The following PTPRT variants were observed in gnomAD, a reference collection of about 807,000 sequenced individuals.
PTPRT encodes the protein protein tyrosine phosphatase receptor type T.
Under a neutral mutation model 176.8 loss-of-function variants are expected in PTPRT, and 56 were observed. The ratio of observed to expected loss-of-function variants is 0.32; its 90% CI spans 0.26 to 0.40. The LOEUF (loss-of-function observed/expected upper bound fraction) is 0.40. Among genes scored for constraint, PTPRT ranks in the 10% least tolerant of loss-of-function variants. PTPRT has a pLI of 1.00. For missense variants in PTPRT, 1,540 were observed against 1,908.2 expected (o/e 0.81, Z 3.60); for synonymous variants, 783 against 739.0 (o/e 1.06, Z -0.96).
intron 8 of PTPRT, among the ~76,000 whole-genome samples, chr20:42,464,203 G>A (rs865924848): frequency 5.3e-5 from 8 of 152,220 alleles, no homozygotes; most frequent in Admixed American, 2.0e-4. Context: ...ATGGTATCAC[G>A]AAAAGGGCAT....
At chr20:42,290,587 T>C (rs16986733) in intron 12 of PTPRT, among the ~76,000 whole-genome samples, 4,078 of 152,212 alleles carry the variant, frequency 0.027, 137 homozygotes, top group East Asian at 0.16. Context: ...ACTCCTTTAC[T>C]TTCAGTACTC....
chr20:42,473,472 G>A (rs1379157980), intron 7 of PTPRT, among the ~76,000 whole-genome samples: 2 of 151,830 alleles, frequency 1.3e-5, no homozygotes, highest in Non-Finnish European at 2.9e-5. Flanking sequence ...TTGTCTTTGG[G>A]GTGGCTTGTT....
chr20:43,022,371 T>C (rs1339249610), intron 1 of PTPRT, among the ~76,000 whole-genome samples: 1 of 152,224 alleles, frequency 6.6e-6, no homozygotes, highest in Non-Finnish European at 1.5e-5. Context: ...AGGCAAATTA[T>C]CCTTGCACCA....
At chr20:42,377,740 C>T (rs545292651) in intron 9 of PTPRT, among the ~76,000 whole-genome samples, 161 of 152,270 alleles carry the variant, frequency 1.1e-3, no homozygotes, top group Admixed American at 9.0e-3. Context: ...TTTCCTAGCG[C>T]TGAGCCTCAG....
chr20:42,038,724 C>T, the PTPRT span, among the ~76,000 whole-genome samples: 2 of 152,170 alleles, frequency 1.3e-5, no homozygotes, highest in Non-Finnish European at 2.9e-5. Flanking sequence ...TGCATGGAGA[C>T]AAGCCAGCAG....
intron 7 of PTPRT, among the ~76,000 whole-genome samples, chr20:42,636,238 G>A (rs1458490520): frequency 6.6e-6 from 1 of 152,040 alleles, no homozygotes; most frequent in African/African-American, 2.4e-5. Context: ...AGTGGGTAGG[G>A]ACTGAGCCAT....
At chr20:42,999,590 T>C (rs1023413711) in intron 1 of PTPRT, among the ~76,000 whole-genome samples, 41 of 143,268 alleles carry the variant, frequency 2.9e-4, no homozygotes, top group Non-Finnish European at 3.4e-4. Context: ...ACCCAGTCTC[T>C]AAAAAAAAAA....
rs531598676 is a variant in PTPRT, at chr20:42,491,983, T to C, written c.1154-19421A>G. On this transcript the variant is annotated intron_variant, in intron 7 of 30. Transcript: ENST00000373187. ...CATAATTTTTCACTTAGCATAATTC[T>C]CTTGAGGCTCATCCAAGGTGTTACA... Among the ~76,000 whole-genome samples the C allele has an allele frequency of 6.6e-5, 10 of 152,342 alleles. No individual in the cohort carries two copies. In the South Asian group the frequency reaches 2.1e-3, roughly 32 times the overall value.
intron 2 of PTPRT, among the ~76,000 whole-genome samples, chr20:42,862,970 G>A (rs2078687012): frequency 6.6e-6 from 1 of 152,198 alleles, no homozygotes; most frequent in Admixed American, 6.5e-5. Flanking sequence ...AGCTGTCAAA[G>A]CATATGCACT....
the PTPRT span, among the ~76,000 whole-genome samples, chr20:42,055,377 A>C: frequency 6.6e-6 from 1 of 152,234 alleles, no homozygotes; most frequent in East Asian, 1.9e-4. Context: ...TTTGCTGACT[A>C]ACATGGATAT....
At chr20:42,674,918 A>G (rs1262503633) in intron 7 of PTPRT, among the ~76,000 whole-genome samples, 1 of 147,596 alleles carries the variant, frequency 6.8e-6, no homozygotes, top group Non-Finnish European at 1.5e-5. Context: ...CAACCCAATT[A>G]ATATATGAAA....
chr20:42,963,439 C>CG (rs1982117492), intron 1 of PTPRT, among the ~76,000 whole-genome samples: 2 of 150,936 alleles, frequency 1.3e-5, no homozygotes, highest in Admixed American at 1.3e-4. Context: ...AAAATAAAAA[C>CG]AACCTAACCA....
At chr20:42,886,466 A>G (rs1221260690) in intron 1 of PTPRT, among the ~76,000 whole-genome samples, 1 of 152,240 alleles carries the variant, frequency 6.6e-6, no homozygotes, top group Non-Finnish European at 1.5e-5. Flanking sequence ...AAATGGAATA[A>G]CATGTGAAAA....
At chr20:42,990,643 A>C (rs1185742529) in intron 1 of PTPRT, among the ~76,000 whole-genome samples, 1 of 152,196 alleles carries the variant, frequency 6.6e-6, no homozygotes, top group African/African-American at 2.4e-5. Context: ...GGAAAAAATA[A>C]AGCAAAATGG....
intron 10 of PTPRT, 143 bp from the exon 11 acceptor site, chr20:42,350,873 C>A (rs1433477921): frequency 1.6e-5 from 10 of 635,990 alleles, no homozygotes; most frequent in African/African-American, 5.4e-5. Flanking sequence ...GCCTTCCAGG[C>A]CTTCAGTAAA....
At chr20:43,174,223 C>T (rs1166312473) in intron 1 of PTPRT, among the ~76,000 whole-genome samples, 1 of 152,190 alleles carries the variant, frequency 6.6e-6, no homozygotes, top group African/African-American at 2.4e-5. Flanking sequence ...CCTTGAATTC[C>T]TCTGGCTCAA....
At chr20:42,322,361 A>G (rs2145405087) in intron 11 of PTPRT, among the ~76,000 whole-genome samples, 1 of 148,222 alleles carries the variant, frequency 6.7e-6, no homozygotes, top group Admixed American at 6.7e-5. Context: ...TTCAAACTAT[A>G]CTACAAGGCT....
intron 27 of PTPRT, among the ~76,000 whole-genome samples, chr20:42,086,964 A>G (rs1984032823): frequency 6.6e-6 from 1 of 151,174 alleles, no homozygotes; most frequent in Non-Finnish European, 1.5e-5. Flanking sequence ...TAGAACCTAC[A>G]GCTGAGAGCA....
chr20:43,153,248 G>T (rs2014418070), intron 1 of PTPRT, among the ~76,000 whole-genome samples: 1 of 152,186 alleles, frequency 6.6e-6, no homozygotes, highest in African/African-American at 2.4e-5. Flanking sequence ...AAGTATGCAT[G>T]TGTACAAACA....
Sources: allele counts gnomAD v4.1 joint callset (sites outside exome capture counted in the v4.1 genomes callset), GRCh38; gene constraint gnomAD v4.1.1; transcripts MANE v1.5; gene names NCBI Gene and HGNC (gene_info 2026-07-23, HGNC 2026-07-21).